Variants in ASAP1 observed in about 807,000 individuals in gnomAD.
ASAP1 encodes arf-GAP with SH3 domain, ANK repeat and PH domain-containing protein 1.
A neutral mutation model predicts 145.2 loss-of-function variants in ASAP1; 43 were observed. That is an observed-to-expected ratio of 0.30 (90% CI 0.23 to 0.38). ASAP1 has a LOEUF of 0.38. ASAP1 is among the 10% of genes least tolerant of loss of function. The probability of loss-of-function intolerance (pLI) is 1.00; values close to 1 mark genes in which losing one functional copy is unlikely to be tolerated. For missense variants in ASAP1, 1,018 were observed against 1,355.3 expected, an observed-to-expected ratio of 0.75 and a Z score of 3.91; for synonymous variants, 546 against 515.5, an observed-to-expected ratio of 1.06 and a Z score of -0.80.
chr8:130,314,548 A>G (rs1262897439), intron 3 of ASAP1, among the ~76,000 whole-genome samples: 1 of 152,252 alleles, frequency 6.6e-6, no homozygotes, highest in Non-Finnish European at 1.5e-5. Context: ...TGTATCAAGG[A>G]TAACAGAGTT....
chr8:130,251,787 A>G (rs12680942), intron 3 of ASAP1, among the ~76,000 whole-genome samples: 45,341 of 152,134 alleles, frequency 0.3, 7,622 homozygotes, highest in East Asian at 0.59. Context: ...AGTAATTTCA[A>G]TTGCACTGAT....
intron 12 of ASAP1, among the ~76,000 whole-genome samples, chr8:130,155,222 C>A (rs1437202647): frequency 6.6e-6 from 1 of 152,158 alleles, no homozygotes; most frequent in Non-Finnish European, 1.5e-5. Context: ...CACCCCTTCT[C>A]TTCTGCTGCT....
intron 15 of ASAP1, among the ~76,000 whole-genome samples, chr8:130,132,784 C>A (rs1420774665): frequency 6.6e-6 from 1 of 152,100 alleles, no homozygotes; most frequent in East Asian, 1.9e-4. Flanking sequence ...GCTAATTAGA[C>A]CTTTCTCATC....
At chr8:130,057,246 T>C (rs1009824961) in intron 29 of ASAP1, among the ~76,000 whole-genome samples, 5 of 152,108 alleles carry the variant, frequency 3.3e-5, no homozygotes, top group Admixed American at 6.5e-5. Context: ...GCAAAGCACA[T>C]AGGCTCTGGG....
At chr8:130,439,576 T>C (rs1356242671) in intron 1 of ASAP1, among the ~76,000 whole-genome samples, 1 of 150,040 alleles carries the variant, frequency 6.7e-6, no homozygotes. Context: ...TCACATAAGA[T>C]ATTAAAAAAA....
chr8:130,175,729 G>A (rs975762836), intron 9 of ASAP1, among the ~76,000 whole-genome samples: 70 of 152,140 alleles, frequency 4.6e-4, no homozygotes, highest in African/African-American at 1.5e-3. Context: ...CATTTACTAA[G>A]CGTTTATTAA....
chr8:130,172,953 A>C lies in ASAP1; in HGVS notation c.747-3886T>G, dbSNP rs910872875. ...AATAATTGCTTTAATCTGTAGCATA[A>C]TCCCATTTTTGTAAACAAAACAAAC... On this transcript the variant is annotated intron_variant, in intron 9 of 29. Transcript: ENST00000518721. 2.6e-5 allele frequency among the ~76,000 whole-genome samples: 4 copies of C among 152,246 alleles called. No individual in the cohort carries two copies. In the South Asian group the frequency reaches 6.2e-4, roughly 24 times the overall value.
intron 4 of ASAP1, among the ~76,000 whole-genome samples, chr8:130,224,775 T>C (rs10100892): frequency 0.29 from 43,643 of 152,136 alleles, 6,369 homozygotes; most frequent in Admixed American, 0.31. Flanking sequence ...CAAAACACAA[T>C]GCTACAATAA....
intron 12 of ASAP1, among the ~76,000 whole-genome samples, chr8:130,154,742 C>A (rs558558932): frequency 9.9e-5 from 15 of 152,190 alleles, no homozygotes; most frequent in Admixed American, 8.5e-4. Flanking sequence ...GCATGCTTCA[C>A]AGAAGGAAGT....
At chr8:130,352,940 A>G (rs1156937477) in intron 3 of ASAP1, among the ~76,000 whole-genome samples, 1 of 152,214 alleles carries the variant, frequency 6.6e-6, no homozygotes, top group Non-Finnish European at 1.5e-5. Flanking sequence ...TCCAGTTTCC[A>G]TAAGAAAACT....
intron 25 of ASAP1, among the ~76,000 whole-genome samples, chr8:130,080,239 G>C (rs1458181748): frequency 2.0e-5 from 3 of 152,196 alleles, no homozygotes; most frequent in Non-Finnish European, 4.4e-5. Context: ...TAGAAACTTG[G>C]TGATGTTCCC....
intron 2 of ASAP1, among the ~76,000 whole-genome samples, chr8:130,396,511 T>C (rs1399965277): frequency 1.3e-5 from 2 of 152,254 alleles, no homozygotes; most frequent in Non-Finnish European, 2.9e-5. Context: ...GAATTTTAAA[T>C]AGACTCAATT....
chr8:130,344,132 G>A (rs939776440), intron 3 of ASAP1, among the ~76,000 whole-genome samples: 1 of 152,122 alleles, frequency 6.6e-6, no homozygotes, highest in Non-Finnish European at 1.5e-5. Context: ...CATACTATGG[G>A]AAACTACGGG....
At chr8:130,063,809 G>A (rs1226349794) in intron 27 of ASAP1, among the ~76,000 whole-genome samples, 2 of 152,130 alleles carry the variant, frequency 1.3e-5, no homozygotes, top group Admixed American at 1.3e-4. Flanking sequence ...CATGTGCCGT[G>A]CCCAGCACCC....
intron 13 of ASAP1, among the ~76,000 whole-genome samples, chr8:130,145,220 A>C (rs2097625427): frequency 6.6e-6 from 1 of 152,250 alleles, no homozygotes; most frequent in Non-Finnish European, 1.5e-5. Flanking sequence ...ACTTTACGTC[A>C]TGCTATCCAA....
intron 27 of ASAP1, among the ~76,000 whole-genome samples, chr8:130,061,351 C>T (rs1398826580): frequency 2.0e-5 from 3 of 152,112 alleles, no homozygotes; most frequent in African/African-American, 7.2e-5. Flanking sequence ...TGCAGAGAAT[C>T]GGAAAGTACA....
Position 130,373,367 on chromosome 8 carries a change from A to T in ASAP1, c.60-15224T>A, listed in dbSNP as rs539488041. ...GAGCTAGTTTTTAGACCTTCAACAA[A>T]CTGAACACAGCAGTTATGCTGGGAA... On this transcript the variant is annotated intron_variant, in intron 2 of 29. Transcript: ENST00000518721. Among the ~76,000 whole-genome samples, 21 of 152,120 alleles carry T rather than the reference A, an allele frequency of 1.4e-4. 1 individual carries two copies. The highest frequency in any genetic ancestry group is 2.9e-5 in the Non-Finnish European group (2 of 68,016).
intron 2 of ASAP1, among the ~76,000 whole-genome samples, chr8:130,368,598 T>A (rs1452613815): frequency 6.6e-6 from 1 of 152,208 alleles, no homozygotes; most frequent in Non-Finnish European, 1.5e-5. Flanking sequence ...AACAGGCATT[T>A]AACTCAAGCA....
At chr8:130,186,535 T>C (rs1235057385) in intron 7 of ASAP1, among the ~76,000 whole-genome samples, 1 of 152,154 alleles carries the variant, frequency 6.6e-6, no homozygotes, top group Non-Finnish European at 1.5e-5. Flanking sequence ...GAATGTGGTA[T>C]GATACACACA....
Sources: gnomAD v4.1 joint callset for allele counts (sites outside exome capture counted in the v4.1 genomes callset) on GRCh38, gnomAD v4.1.1 for gene constraint, MANE v1.5 for transcripts, NCBI Gene and HGNC (gene_info 2026-07-23, HGNC 2026-07-21) for gene names.